LEF1: variants seen among roughly 807,000 people sequenced by gnomAD.
LEF1 encodes the protein lymphoid enhancer-binding factor 1.
A neutral mutation model predicts 51.2 loss-of-function variants in LEF1; 14 were observed. The ratio of observed to expected loss-of-function variants is 0.27; its 90% CI spans 0.18 to 0.43. LEF1 has a LOEUF of 0.43. Ranked by LOEUF, LEF1 falls within the 20% of genes least tolerant of loss-of-function variation. The pLI, the probability that LEF1 is intolerant of heterozygous loss-of-function variation, is 1.00. For missense variants in LEF1, 386 were observed against 512.0 expected (o/e 0.75, Z 2.37); for synonymous variants, 185 against 183.2 (o/e 1.01, Z -0.08).
At chr4:108,131,490 A>G (rs1048872536) in intron 3 of LEF1, among the ~76,000 whole-genome samples, 3 of 152,130 alleles carry the variant, frequency 2.0e-5, no homozygotes, top group African/African-American at 7.2e-5. Flanking sequence ...ACACTTCCAT[A>G]TATCACTGGA....
chr4:108,119,458 T>G (rs1305288457), intron 3 of LEF1, among the ~76,000 whole-genome samples: 1 of 152,100 alleles, frequency 6.6e-6, no homozygotes, highest in Non-Finnish European at 1.5e-5. Flanking sequence ...AGAGTTCAGA[T>G]TTATGATGCT....
chr4:108,051,526 C>G lies in LEF1; in HGVS notation c.*7-2775G>C, dbSNP rs371161091. ...GGCTGCGGCTGAAGCTGGGCCAGGC[C>G]AGGCGAGCCCCGGCACAGCCCAACC... On this transcript the variant is annotated intron_variant, in intron 11 of 11. Transcript: ENST00000265165. Among the ~76,000 whole-genome samples the G allele has an allele frequency of 9.2e-5, 14 of 152,308 alleles. No individual in the cohort carries two copies. The East Asian group carries it at 1.5e-3, about 17-fold the overall frequency.
chr4:108,148,290 T>A (rs1348852698), intron 3 of LEF1, among the ~76,000 whole-genome samples: 1 of 143,898 alleles, frequency 6.9e-6, no homozygotes, highest in Admixed American at 6.9e-5. Flanking sequence ...AAAAAAAAAA[T>A]TTATCAAGCA....
chr4:108,111,776 A>G (rs901693819), intron 3 of LEF1, among the ~76,000 whole-genome samples: 1 of 152,074 alleles, frequency 6.6e-6, no homozygotes, highest in East Asian at 1.9e-4. Context: ...TTAGCAGGGC[A>G]TGGTGGTGCA....
intron 3 of LEF1, among the ~76,000 whole-genome samples, chr4:108,092,349 G>C (rs1415978074): frequency 6.6e-6 from 1 of 152,220 alleles, no homozygotes; most frequent in Non-Finnish European, 1.5e-5. Context: ...TCAATAGCAT[G>C]TGTGAGCAGA....
At chr4:108,089,037 C>A in intron 4 of LEF1, 88 bp downstream of exon 4, 1 of 1,435,504 alleles carries the variant, frequency 7.0e-7, no homozygotes, top group Non-Finnish European at 9.8e-7. Flanking sequence ...TGACATGGAG[C>A]ACTGGCATCT....
At position 108,056,973 on chromosome 4, in the gene LEF1, T is replaced by TA. The variant is rs201049499; in HGVS notation, c.*6+6649_*6+6650insT. On this transcript the variant is annotated intron_variant, in intron 11 of 11. Coordinates refer to ENST00000265165, the MANE Select transcript of LEF1 (RefSeq NM_016269.5). ...AGTGCTGAGCAGGGTGCAGAAGTTT[T>TA]CCCAGGAGGTGCCGACCTGTGGCCA... Among the ~76,000 whole-genome samples, 441 of 151,552 alleles carry TA rather than the reference T, an allele frequency of 2.9e-3. 1 individual carries two copies. The highest frequency in any genetic ancestry group is 9.8e-3 in the African/African-American group (405 of 41,288).
At chr4:108,152,152 G>A (rs1744395269) in intron 3 of LEF1, among the ~76,000 whole-genome samples, 1 of 152,334 alleles carries the variant, frequency 6.6e-6, no homozygotes, top group Admixed American at 6.5e-5. Flanking sequence ...GGGATCCGGA[G>A]GAACTTCATT....
chr4:108,053,735 G>T (rs572428757), intron 11 of LEF1, among the ~76,000 whole-genome samples: 1 of 152,166 alleles, frequency 6.6e-6, no homozygotes, highest in African/African-American at 2.4e-5. Context: ...CCTGGTGCAG[G>T]TCATGACCGC....
At chr4:108,091,590 TTAAA>T (rs538515275) in intron 3 of LEF1, among the ~76,000 whole-genome samples, 29 of 152,298 alleles carry the variant, frequency 1.9e-4, no homozygotes, top group African/African-American at 6.7e-4. Flanking sequence ...TTGGCGTATA[TTAAA>T]TAGAGTGCCA....
intron 2 of LEF1, among the ~76,000 whole-genome samples, chr4:108,164,649 T>A (rs1485891695): frequency 6.6e-6 from 1 of 152,218 alleles, no homozygotes; most frequent in Non-Finnish European, 1.5e-5. Flanking sequence ...TCTGCTCATT[T>A]ACTGCCGGCC....
At chr4:108,155,809 A>G (rs11931937) in intron 3 of LEF1, among the ~76,000 whole-genome samples, 2,028 of 152,318 alleles carry the variant, frequency 0.013, 43 homozygotes, top group African/African-American at 0.045. Context: ...CATCTAGCCT[A>G]GTCCTTCCCT....
intron 3 of LEF1, among the ~76,000 whole-genome samples, chr4:108,158,058 C>T (rs992224684): frequency 2.9e-4 from 44 of 152,220 alleles, no homozygotes; most frequent in African/African-American, 1.0e-3. Flanking sequence ...CACCTCCACC[C>T]CCAGTCTTTG....
At chr4:108,136,471 T>C (rs928755620) in intron 3 of LEF1, among the ~76,000 whole-genome samples, 7 of 151,966 alleles carry the variant, frequency 4.6e-5, no homozygotes, top group African/African-American at 1.7e-4. Flanking sequence ...TTTCCTTTTT[T>C]TTTTTTTTTT....
At chr4:108,054,048 A>C (rs1027857515) in intron 11 of LEF1, among the ~76,000 whole-genome samples, 16 of 152,304 alleles carry the variant, frequency 1.1e-4, no homozygotes, top group Middle Eastern at 3.4e-3. Context: ...CAGTTATGCC[A>C]GCATTTGTGT....
At chr4:108,086,681 G>A (rs964117259) in intron 4 of LEF1, among the ~76,000 whole-genome samples, 11 of 152,276 alleles carry the variant, frequency 7.2e-5, no homozygotes, top group African/African-American at 2.4e-4. Flanking sequence ...AGTATTTGTT[G>A]TCATCTGTAA....
chr4:108,055,988 G>T (rs1260178549), intron 11 of LEF1, among the ~76,000 whole-genome samples: 1 of 152,160 alleles, frequency 6.6e-6, no homozygotes, highest in African/African-American at 2.4e-5. Flanking sequence ...CATCTGTCGG[G>T]CTGCTGTCCA....
intron 3 of LEF1, 89 bp downstream of exon 3, chr4:108,163,479 C>T (rs1021122311): frequency 7.2e-7 from 1 of 1,397,766 alleles, no homozygotes; most frequent in Admixed American, 1.8e-5. Flanking sequence ...GAAAGCATTA[C>T]CAATGAGTTT....
At chr4:108,153,955 C>T (rs756349748) in intron 3 of LEF1, among the ~76,000 whole-genome samples, 1 of 152,142 alleles carries the variant, frequency 6.6e-6, no homozygotes, top group Non-Finnish European at 1.5e-5. Context: ...TGTTTACCTA[C>T]ATTTATATGT....
Sources: gnomAD v4.1 joint callset for allele counts (sites outside exome capture counted in the v4.1 genomes callset) on GRCh38, gnomAD v4.1.1 for gene constraint, MANE v1.5 for transcripts, NCBI Gene and HGNC (gene_info 2026-07-23, HGNC 2026-07-21) for gene names.